The following FOXP1 variants were observed in gnomAD, a reference collection of about 807,000 sequenced individuals.
The protein encoded by FOXP1 is forkhead box protein P1.
Under a neutral mutation model 98.2 loss-of-function variants are expected in FOXP1, and 15 were observed. The observed-to-expected ratio is 0.15, with a 90% confidence interval of 0.10 to 0.24. FOXP1 has a LOEUF of 0.24. Among genes scored for constraint, FOXP1 ranks in the 10% least tolerant of loss-of-function variants. The pLI is 1.00. For synonymous variants in FOXP1, 371 were observed against 314.5 expected, an observed-to-expected ratio of 1.18 and a Z score of -1.90; for missense variants, 633 against 848.5, an observed-to-expected ratio of 0.75 and a Z score of 3.15.
intron 6 of FOXP1, among the ~76,000 whole-genome samples, chr3:71,191,928 T>C (rs1457329027): frequency 2.0e-5 from 3 of 152,204 alleles, no homozygotes; most frequent in Non-Finnish European, 4.4e-5. Flanking sequence ...CTATGCAAGG[T>C]CTTCAATAAA....
intron 2 of FOXP1, among the ~76,000 whole-genome samples, chr3:71,550,268 G>A (rs956573092): frequency 6.6e-6 from 1 of 152,094 alleles, no homozygotes; most frequent in Non-Finnish European, 1.5e-5. Context: ...TAGCAAAGCT[G>A]GTTGAGAGCA....
At chr3:70,998,815 T>C (rs1459212705) in intron 13 of FOXP1, among the ~76,000 whole-genome samples, 1 of 152,256 alleles carries the variant, frequency 6.6e-6, no homozygotes, top group Non-Finnish European at 1.5e-5. Flanking sequence ...AATTTACTGA[T>C]GATGGTCTAA....
intron 13 of FOXP1, among the ~76,000 whole-genome samples, chr3:70,990,468 C>T (rs990599401): frequency 2.0e-5 from 3 of 146,492 alleles, no homozygotes; most frequent in African/African-American, 7.8e-5. Context: ...GCTCACCATC[C>T]CCATCAATTT....
intron 4 of FOXP1, among the ~76,000 whole-genome samples, chr3:71,349,051 A>G (rs1473551874): frequency 2.0e-5 from 3 of 152,190 alleles, no homozygotes; most frequent in African/African-American, 7.2e-5. Flanking sequence ...AAGTAACTCC[A>G]ACATCAGAGG....
intron 7 of FOXP1, among the ~76,000 whole-genome samples, chr3:71,066,197 G>C (rs2052485150): frequency 6.6e-6 from 1 of 151,350 alleles, no homozygotes; most frequent in Non-Finnish European, 1.5e-5. Context: ...GGTTACTACA[G>C]ACCAGAAAGA....
At chr3:70,962,655 G>A (rs2033817767) in intron 20 of FOXP1, among the ~76,000 whole-genome samples, 1 of 152,106 alleles carries the variant, frequency 6.6e-6, no homozygotes, top group African/African-American at 2.4e-5. Flanking sequence ...TATGCTGATT[G>A]AGGTTCAAAT....
chr3:71,319,923 C>T lies in FOXP1; in HGVS notation c.-72-20043G>A, dbSNP rs76566125. Among the ~76,000 whole-genome samples the T allele has an allele frequency of 3.2e-3, 487 of 152,286 alleles. 5 individuals are homozygous for T. The highest frequency in any genetic ancestry group is 0.017 in the Admixed American group (267 of 15,286). Reference sequence around the variant, plus strand: ...AAACACTCTGGAGGCACATTTGACTCCTCCACCACATCCAACAATGACATC... The same window carrying T: ...AAACACTCTGGAGGCACATTTGACTTCTCCACCACATCCAACAATGACATC... On this transcript the variant is annotated intron_variant, in intron 4 of 20. Coordinates refer to ENST00000649528, the MANE Select transcript of FOXP1 (RefSeq NM_001349338.3).
intron 7 of FOXP1, among the ~76,000 whole-genome samples, chr3:71,090,564 A>T (rs541243306): frequency 3.9e-5 from 6 of 152,350 alleles, no homozygotes; most frequent in Admixed American, 2.6e-4. Flanking sequence ...ATCAAGACAC[A>T]ATAAAATGAG....
intron 3 of FOXP1, among the ~76,000 whole-genome samples, chr3:71,431,891 ATT>A (rs1210333702): frequency 6.6e-6 from 1 of 152,122 alleles, no homozygotes; most frequent in Non-Finnish European, 1.5e-5. Flanking sequence ...CTATAGAGTG[ATT>A]TTTTTAAAAA....
intron 5 of FOXP1, among the ~76,000 whole-genome samples, chr3:71,269,438 T>C (rs2107281061): frequency 7.0e-6 from 1 of 142,688 alleles, no homozygotes; most frequent in South Asian, 2.1e-4. Flanking sequence ...TTCAAAATGT[T>C]AGGCCCAAGA....
intron 14 of FOXP1, among the ~76,000 whole-genome samples, chr3:70,980,874 A>G (rs1437896320): frequency 6.6e-6 from 1 of 152,226 alleles, no homozygotes; most frequent in Non-Finnish European, 1.5e-5. Context: ...AGGACTGACT[A>G]TACTTCTCGG....
chr3:71,339,942 T>A (rs571375083), intron 4 of FOXP1, among the ~76,000 whole-genome samples: 1 of 152,354 alleles, frequency 6.6e-6, no homozygotes, highest in South Asian at 2.1e-4. Context: ...TCATTCATAG[T>A]GAATATACAG....
chr3:71,247,395 C>T (rs191389206), intron 5 of FOXP1, among the ~76,000 whole-genome samples: 31 of 152,264 alleles, frequency 2.0e-4, no homozygotes, highest in Admixed American at 4.6e-4. Context: ...GGACAAGTGC[C>T]AGATGGCCTC....
chr3:71,026,274 A>G (rs1000484427), intron 11 of FOXP1, among the ~76,000 whole-genome samples: 7 of 152,176 alleles, frequency 4.6e-5, no homozygotes, highest in African/African-American at 1.7e-4. Flanking sequence ...AAATAATACA[A>G]ATAATCACAT....
intron 4 of FOXP1, among the ~76,000 whole-genome samples, chr3:71,315,401 T>TA (rs1331046574): frequency 4.0e-5 from 6 of 151,356 alleles, no homozygotes; most frequent in African/African-American, 9.7e-5. Flanking sequence ...GTTTTGCCAA[T>TA]AAAAAAAAAG....
intron 11 of FOXP1, among the ~76,000 whole-genome samples, chr3:71,031,537 G>C (rs1488712557): frequency 6.6e-6 from 1 of 152,088 alleles, no homozygotes; most frequent in Non-Finnish European, 1.5e-5. Flanking sequence ...CTGTGCACTG[G>C]GAAATCTCTG....
At chr3:71,243,292 A>G (rs1468660671) in intron 5 of FOXP1, among the ~76,000 whole-genome samples, 1 of 152,234 alleles carries the variant, frequency 6.6e-6, no homozygotes, top group African/African-American at 2.4e-5. Flanking sequence ...TTGGTTAAAT[A>G]CACTGAATTT....
At chr3:71,113,672 C>A (rs1294291047) in intron 6 of FOXP1, among the ~76,000 whole-genome samples, 2 of 132,126 alleles carry the variant, frequency 1.5e-5, no homozygotes, top group African/African-American at 5.6e-5. Flanking sequence ...GAGATCGCAC[C>A]ACTGTGCTTC....
At chr3:71,285,722 A>T (rs924622689) in intron 5 of FOXP1, among the ~76,000 whole-genome samples, 2 of 152,194 alleles carry the variant, frequency 1.3e-5, no homozygotes, top group Admixed American at 6.6e-5. Context: ...TAATATTTCC[A>T]CTTATCTTTG....
Sources: allele counts gnomAD v4.1 joint callset (sites outside exome capture counted in the v4.1 genomes callset), GRCh38; gene constraint gnomAD v4.1.1; transcripts MANE v1.5; gene names NCBI Gene and HGNC (gene_info 2026-07-23, HGNC 2026-07-21).